Variants in EPHX2 observed in about 807,000 individuals in gnomAD.
EPHX2 encodes bifunctional epoxide hydrolase 2.
Under a neutral mutation model 78.7 loss-of-function variants are expected in EPHX2, and 74 were observed. The ratio of observed to expected loss-of-function variants is 0.94; its 90% CI spans 0.78 to 1.14. EPHX2 has a LOEUF of 1.14. EPHX2 is among the 50% of genes most tolerant of loss of function. EPHX2 has a pLI of 0.00. For synonymous variants in EPHX2, 251 were observed against 255.2 expected (o/e 0.98, Z 0.16); for missense variants, 715 against 702.5 (o/e 1.02, Z -0.20).
At chr8:27,503,872 C>A in intron 3 of EPHX2, 109 bp downstream of exon 3, 1 of 1,336,582 alleles carries the variant, frequency 7.5e-7, no homozygotes, top group Non-Finnish European at 1.0e-6. Context: ...TTCTGAGCCA[C>A]GATGGAAAGC....
At position 27,543,817 on chromosome 8, in the gene EPHX2, C is replaced by T; in HGVS notation, c.1518C>T (p.His506=). ...DFVLVPQMSQ[H]MEDWIPHLKR... ...TGCTCGTTCCTCAGATGTCCCAGCACATGGAGGACTGGGTGAGGGAATGGC... is the reference window on the plus strand; with the variant it reads ...TGCTCGTTCCTCAGATGTCCCAGCATATGGAGGACTGGGTGAGGGAATGGC... Residue 506 remains histidine (H), a synonymous_variant, in exon 17 of 19, where the codon CAC becomes CAT. Coordinates refer to ENST00000521400, the MANE Select transcript of EPHX2 (RefSeq NM_001979.6). The T allele has an allele frequency of 6.2e-7, 1 of 1,614,138 alleles. No individual in the cohort carries two copies. The highest frequency in any genetic ancestry group is 1.1e-5 in the South Asian group (1 of 91,076).
chr8:27,536,895 A>G (rs1226489946), intron 13 of EPHX2, 40 bp downstream of exon 13: 1 of 1,608,714 alleles, frequency 6.2e-7, no homozygotes, highest in South Asian at 1.1e-5. Flanking sequence ...AGGAGGGGGC[A>G]GTTGTGAAGG....
intron 6 of EPHX2, 36 bp downstream of exon 6, chr8:27,511,946 C>T: frequency 1.9e-6 from 3 of 1,604,442 alleles, no homozygotes; most frequent in Non-Finnish European, 2.6e-6. Flanking sequence ...GCTAAGTGCT[C>T]TCCCACCAGG....
chr8:27,525,316 C>T (rs376669035), intron 11 of EPHX2, 46 bp from the exon 12 acceptor site: 3 of 1,552,420 alleles, frequency 1.9e-6, no homozygotes, highest in East Asian at 4.5e-5. Flanking sequence ...TCTTGTAAGA[C>T]TGTCTTCTTA....
At chr8:27,500,877 G>A in intron 1 of EPHX2, 49 bp from the exon 2 acceptor site, 1 of 1,531,842 alleles carries the variant, frequency 6.5e-7, no homozygotes, top group Admixed American at 1.7e-5. Flanking sequence ...TCCATGTGCT[G>A]CCATGACAAA....
At chr8:27,532,026 G>A (rs936807811) in intron 12 of EPHX2, among the ~76,000 whole-genome samples, 1 of 152,100 alleles carries the variant, frequency 6.6e-6, no homozygotes, top group African/African-American at 2.4e-5. Flanking sequence ...CTGACAGTGT[G>A]CTGAATACGC....
intron 12 of EPHX2, among the ~76,000 whole-genome samples, chr8:27,534,601 G>A (rs192578245): frequency 2.7e-4 from 41 of 152,162 alleles, no homozygotes; most frequent in Middle Eastern, 3.4e-3. Context: ...CTGAGATTGC[G>A]CTACTGCACA....
chr8:27,507,534 T>A (rs974502388), intron 5 of EPHX2, among the ~76,000 whole-genome samples: 5 of 152,188 alleles, frequency 3.3e-5, no homozygotes, highest in African/African-American at 1.2e-4. Context: ...CTGAGATCGC[T>A]GATCTCACTG....
intron 12 of EPHX2, among the ~76,000 whole-genome samples, chr8:27,536,298 T>A (rs1815208823): frequency 6.6e-6 from 1 of 152,138 alleles, no homozygotes; most frequent in African/African-American, 2.4e-5. Context: ...AAAGATGGGG[T>A]CTCGCTAGGT....
At chr8:27,524,454 G>A (rs1814754906) in intron 11 of EPHX2, among the ~76,000 whole-genome samples, 2 of 152,038 alleles carry the variant, frequency 1.3e-5, no homozygotes, top group Non-Finnish European at 2.9e-5. Context: ...CTTCTGAGAC[G>A]CCCTCATGGT....
At chr8:27,501,151 G>A in intron 2 of EPHX2, 141 bp downstream of exon 2, 2 of 630,320 alleles carry the variant, frequency 3.2e-6, no homozygotes, top group Non-Finnish European at 5.3e-6. Flanking sequence ...GTATTAATGG[G>A]AGTATTGCAG....
chr8:27,506,122 A>G (rs554816110), intron 4 of EPHX2, among the ~76,000 whole-genome samples: 44 of 152,182 alleles, frequency 2.9e-4, no homozygotes, highest in Admixed American at 2.0e-3. Flanking sequence ...CCAAGTAGCT[A>G]TGACCACAGG....
chr8:27,539,878 C>T (rs138148212), intron 14 of EPHX2, among the ~76,000 whole-genome samples: 23 of 152,312 alleles, frequency 1.5e-4, no homozygotes, highest in Non-Finnish European at 2.5e-4. Context: ...CCTGTGCCTC[C>T]GGGTCTTCGT....
chr8:27,501,268 A>G (rs1447055440), intron 2 of EPHX2, among the ~76,000 whole-genome samples: 1 of 152,146 alleles, frequency 6.6e-6, no homozygotes, highest in Non-Finnish European at 1.5e-5. Context: ...TATTTAATCC[A>G]TAAAAAAACC....
intron 12 of EPHX2, among the ~76,000 whole-genome samples, chr8:27,526,900 G>GC (rs1158587859): frequency 6.6e-6 from 1 of 151,886 alleles, no homozygotes; most frequent in East Asian, 1.9e-4. Flanking sequence ...ACGGGTGTGT[G>GC]CCCCCACACC....
At chr8:27,504,908 A>G (rs751677075) in intron 3 of EPHX2, 48 bp from the exon 4 acceptor site, 12 of 1,600,964 alleles carry the variant, frequency 7.5e-6, no homozygotes, top group Non-Finnish European at 1.0e-5. Flanking sequence ...GGAGCATTTC[A>G]GGGCAAAGGT....
intron 11 of EPHX2, among the ~76,000 whole-genome samples, chr8:27,525,015 TAG>T (rs1428306728): frequency 6.6e-6 from 1 of 151,208 alleles, no homozygotes; most frequent in Non-Finnish European, 1.5e-5. Context: ...ATTTTAAAAC[TAG>T]AGAGAGATTC....
chr8:27,512,146 C>T (rs1391008080), intron 6 of EPHX2: 3 of 490,426 alleles, frequency 6.1e-6, no homozygotes, highest in African/African-American at 2.0e-5. Context: ...TGTTAAATAT[C>T]GAGGGTGGTT....
chr8:27,518,771 A>G (rs904444025), intron 9 of EPHX2, among the ~76,000 whole-genome samples: 3 of 152,188 alleles, frequency 2.0e-5, no homozygotes, highest in African/African-American at 7.2e-5. Context: ...TGGCTTTGGC[A>G]TCTCAGAAGC....
Sources: allele counts gnomAD v4.1 joint callset (sites outside exome capture counted in the v4.1 genomes callset), GRCh38; gene constraint gnomAD v4.1.1; transcripts MANE v1.5; gene names NCBI Gene and HGNC (gene_info 2026-07-23, HGNC 2026-07-21).